ALG9: variants seen among roughly 807,000 people sequenced by gnomAD.
ALG9 encodes alpha-1,2-mannosyltransferase ALG9.
ALG9 carries 55 observed loss-of-function variants against 81.8 expected under a neutral mutation model. That is an observed-to-expected ratio of 0.67 (90% CI 0.54 to 0.84). The LOEUF is 0.84. ALG9 is among the 40% of genes least tolerant of loss of function. The pLI is 0.00. For missense variants in ALG9, 629 were observed against 745.0 expected (o/e 0.84, Z 1.81); for synonymous variants, 278 against 274.3 (o/e 1.01, Z -0.13).
Position 111,786,438 on chromosome 11 carries a change from G to A in ALG9, c.1816C>T (p.Pro606Ser). The A allele has an allele frequency of 1.2e-6, 2 of 1,614,112 alleles. No individual in the cohort carries two copies. Among genetic ancestry groups the A allele is most frequent in the Non-Finnish European group, 1.7e-6 (2 of 1,180,010 alleles). The change falls in exon 15 of 15, where the codon CCC becomes TCC. Residue 606 changes from proline to serine, a missense_variant. By Grantham distance (74) the Pro-to-Ser change is moderately conservative. Coordinates refer to ENST00000616540, the MANE Select transcript of ALG9 (RefSeq NM_024740.2). The part of the protein sequence containing the change: ...TVYVNYTILK[P>S]RKAKQIRKKS... ...TTCCTGATTTGCTTTGCTTTCCGGG[G>A]TTTGAGGATGGTGTAGTTTACGTAC...
intron 4 of ALG9, among the ~76,000 whole-genome samples, chr11:111,861,354 T>A (rs782248392): frequency 6.6e-6 from 1 of 152,244 alleles, no homozygotes; most frequent in African/African-American, 2.4e-5. Context: ...AGAGCTTCTT[T>A]CTGAAATAAT....
At chr11:111,775,692 T>C in the ALG9 span, among the ~76,000 whole-genome samples, 3 of 152,040 alleles carry the variant, frequency 2.0e-5, no homozygotes, top group Non-Finnish European at 2.9e-5. Context: ...CTGGGCAACA[T>C]AGTGAGACCC....
downstream of ALG9, among the ~76,000 whole-genome samples, chr11:111,781,949 A>G (rs190359756): frequency 1.7e-4 from 26 of 152,318 alleles, no homozygotes; most frequent in East Asian, 3.3e-3. Flanking sequence ...CCTGGCCCAT[A>G]TATTAATTCC....
the ALG9 span, among the ~76,000 whole-genome samples, chr11:111,774,152 A>G: frequency 6.6e-6 from 1 of 151,192 alleles, no homozygotes; most frequent in Non-Finnish European, 1.5e-5. Flanking sequence ...CGAGGCAGGC[A>G]GATCACCTAA....
intron 3 of ALG9, 58 bp downstream of exon 3, chr11:111,868,544 A>G (rs1592440345): frequency 1.3e-6 from 2 of 1,582,700 alleles, no homozygotes; most frequent in African/African-American, 1.4e-5. Flanking sequence ...TCTCAAAACT[A>G]TACCAGAGAC....
In ALG9 at chr11:111,868,747, AAAACAGATAGATT is replaced by A. The variant is rs1555155761; in HGVS notation, c.271-24_271-12del. On this transcript the variant is annotated splice_polypyrimidine_tract_variant and intron_variant, in intron 2 of 14. Transcript: ENST00000616540. ...GATGAGGTAGTGTGTCTAAAAATAC[AAAACAGATAGATT>A]CAGGGTTATACTGGCCAAAAATCTC... 1 of 1,601,308 alleles carries A rather than the reference AAAACAGATAGATT, an allele frequency of 6.2e-7. No individual in the cohort carries two copies. Among genetic ancestry groups the A allele is most frequent in the Non-Finnish European group, 8.5e-7 (1 of 1,172,576 alleles).
At chr11:111,867,569 A>G (rs558018840) in intron 3 of ALG9, among the ~76,000 whole-genome samples, 6 of 152,246 alleles carry the variant, frequency 3.9e-5, no homozygotes, top group Non-Finnish European at 8.8e-5. Context: ...TAAAAATGCA[A>G]TGGACGGGGT....
rs190892394 is a variant in ALG9 at position 111,799,987 on chromosome 11, C to G, written c.1733+9656G>C. 1.1e-4 allele frequency among the ~76,000 whole-genome samples: 16 copies of G among 152,282 alleles called. 1 individual carries two copies. In the East Asian group the frequency reaches 3.1e-3, roughly 29 times the overall value. On this transcript the variant is annotated intron_variant, in intron 14 of 14. Transcript: ENST00000616540. ...CTACTTTTCTTCAGCTCAAGCACCC[C>G]CTCCTTCTGGAAGCCTTCTAAGTGT...
chr11:111,838,368 T>C lies in ALG9; in HGVS notation c.1205A>G (p.His402Arg). The C allele has an allele frequency of 1.2e-6, 2 of 1,613,370 alleles. No individual in the cohort carries two copies. The highest frequency in any genetic ancestry group is 1.7e-6 in the Non-Finnish European group (2 of 1,179,326). ...CAGGCGATATCGTTGAAACACAAAG[T>C]GGTAACATTTCTGGAAGTACAGAAA... ...HSFLYFQKCY[H>R]FVFQRYRLEH... is the part of the protein sequence containing the mutation. Residue 402 changes from histidine to arginine, a missense_variant, in exon 11 of 15, where the codon CAC (histidine) becomes CGC (arginine). His to Arg is a conservative substitution (Grantham distance 29, BLOSUM62 0). Transcript: ENST00000616540.
downstream of ALG9, among the ~76,000 whole-genome samples, chr11:111,780,279 T>C (rs1555056454): frequency 6.6e-6 from 1 of 152,234 alleles, no homozygotes; most frequent in Non-Finnish European, 1.5e-5. Flanking sequence ...TAAAATGCTT[T>C]TGTAAAGAAG....
chr11:111,853,556 G>T, intron 7 of ALG9, 71 bp from the exon 8 acceptor site: 2 of 1,569,126 alleles, frequency 1.3e-6, no homozygotes, highest in Non-Finnish European at 1.8e-6. Context: ...ACCTGAGAAT[G>T]AAAAACAGAA....
intron 13 of ALG9, among the ~76,000 whole-genome samples, chr11:111,831,028 AG>A (rs557508157): frequency 1.0e-3 from 158 of 152,132 alleles, no homozygotes; most frequent in African/African-American, 3.6e-3. Context: ...AAAATTAGCT[AG>A]GGGTAGTGGC....
chr11:111,843,922 C>T (rs1592232542), intron 9 of ALG9, among the ~76,000 whole-genome samples: 2 of 152,234 alleles, frequency 1.3e-5, no homozygotes, highest in South Asian at 4.1e-4. Flanking sequence ...GTTTGAAGTA[C>T]TATCTCGTGG....
At chr11:111,828,878 A>G (rs1312992237) in intron 13 of ALG9, 1 of 152,188 alleles carries the variant, frequency 6.6e-6, no homozygotes, top group Non-Finnish European at 1.5e-5. Context: ...CCATCAGCCT[A>G]TTAGTGTATA....
At chr11:111,834,484 CAG>C (rs1208961794) in intron 13 of ALG9, among the ~76,000 whole-genome samples, 1 of 152,142 alleles carries the variant, frequency 6.6e-6, no homozygotes, top group African/African-American at 2.4e-5. Context: ...ATTTTTGCTA[CAG>C]AGAGATATAA....
rs372409924 is a variant in ALG9, at chr11:111,824,584, GAAGTT to G, written c.1602+11576_1602+11580del. Among the ~76,000 whole-genome samples the G allele has an allele frequency of 3.3e-5, 5 of 152,296 alleles. No individual in the cohort carries two copies. The East Asian group carries it at 9.6e-4, about 29-fold the overall frequency. Reference sequence around the variant, plus strand: ...CCAAAGCGTAAGTAAAAAGTAATGGGAAGTTAATTTTCAATTATCCAGAGTTGGCA... The same window carrying G: ...CCAAAGCGTAAGTAAAAAGTAATGGGAATTTTCAATTATCCAGAGTTGGCA... On this transcript the variant is annotated intron_variant, in intron 13 of 14. Transcript: ENST00000616540.
chr11:111,868,737 C>T lies in ALG9; in HGVS notation c.271-1G>A, dbSNP rs782594509. On this transcript the variant is annotated splice_acceptor_variant, in intron 2 of 14. Transcript: ENST00000616540. LOFTEE classifies it high-confidence loss of function. ...CTTCCCCATAGATGAGGTAGTGTGT[C>T]TAAAAATACAAAACAGATAGATTCA... 1.9e-6 allele frequency: 3 copies of T among 1,604,850 alleles called. No homozygotes were observed. The Admixed American group carries it at 5.1e-5, about 27-fold the overall frequency.
At chr11:111,868,530 C>A in intron 3 of ALG9, 72 bp downstream of exon 3, 1 of 1,531,422 alleles carries the variant, frequency 6.5e-7, no homozygotes, top group Non-Finnish European at 8.8e-7. Context: ...TCATTTTGTC[C>A]TTTTCTCAAA....
At chr11:111,849,476 T>C (rs746390751) in intron 8 of ALG9, 15 of 152,234 alleles carry the variant, frequency 9.9e-5, no homozygotes, top group Non-Finnish European at 1.8e-4. Flanking sequence ...TTTTCCTGTT[T>C]TTAAATTGTT....
Sources: gnomAD v4.1 joint callset for allele counts (sites outside exome capture counted in the v4.1 genomes callset) on GRCh38, gnomAD v4.1.1 for gene constraint, MANE v1.5 for transcripts, NCBI Gene and HGNC (gene_info 2026-07-23, HGNC 2026-07-21) for gene names.